HMCN2: variants seen among roughly 807,000 people sequenced by gnomAD.
HMCN2 encodes hemicentin-2.
Under a neutral mutation model 377.5 loss-of-function variants are expected in HMCN2, and 325 were observed. The observed-to-expected ratio is 0.86, with a 90% CI of 0.79 to 0.94. The LOEUF (loss-of-function observed/expected upper bound fraction) is 0.94, where lower values mean the gene tolerates loss of function less well. HMCN2 is among the 40% of genes least tolerant of loss of function. The pLI is 0.00. For missense variants in HMCN2, 4,543 were observed against 4,725.3 expected (o/e 0.96, Z 1.13); for synonymous variants, 2,007 against 2,046.8 (o/e 0.98, Z 0.53).
intron 79 of HMCN2, 79 bp downstream of exon 79, chr9:130,403,407 C>T (rs1373753749): frequency 3.2e-6 from 4 of 1,258,108 alleles, no homozygotes; most frequent in Admixed American, 2.4e-5. Flanking sequence ...TGCTTCCTGC[C>T]CTGGGAGACC....
intron 4 of HMCN2, 55 bp downstream of exon 4, chr9:130,286,365 A>G (rs1835414000): frequency 4.3e-6 from 2 of 464,582 alleles, no homozygotes; most frequent in Admixed American, 4.7e-5. Context: ...CACGGTGAGG[A>G]CACTGACCAT....
intron 1 of HMCN2, among the ~76,000 whole-genome samples, chr9:130,267,476 A>ACACACACACACG (rs1265312371): frequency 4.7e-5 from 7 of 149,818 alleles, no homozygotes; most frequent in South Asian, 2.1e-4. Context: ...ACACACACAC[A>ACACACACACACG]CGCACAGATT....
rs1840467433 is a variant in HMCN2 at position 130,362,980 on chromosome 9, G to A, written c.6222G>A (p.Leu2074=). The A allele has an allele frequency of 2.0e-6, 2 of 985,840 alleles. No homozygotes were observed. Among genetic ancestry groups the A allele is most frequent in the Non-Finnish European group, 2.4e-6 (2 of 830,014 alleles). 61.1% of individuals were successfully genotyped at this position (985,840 alleles called of 1,614,324 possible). Reference sequence around the variant, plus strand: ...GCGAGGACCGCCAGGATGTTGTCCTGCAAGTCCACAGTGAGTCTCAGACTG... The same window carrying A: ...GCGAGGACCGCCAGGATGTTGTCCTACAAGTCCACAGTGAGTCTCAGACTG... ...AVGEDRQDVV[L]QVHMPPSILG... Residue 2074 remains leucine (L), a synonymous_variant, in exon 40 of 98, where the codon CTG becomes CTA. Transcript: ENST00000683500.
In HMCN2 at chr9:130,422,623, C is replaced by A; in HGVS notation, c.13278C>A (p.Gly4426=). 2 of 1,327,112 alleles carry A rather than the reference C, an allele frequency of 1.5e-6. No homozygotes were observed. Among genetic ancestry groups the A allele is most frequent in the African/African-American group, 1.5e-5 (1 of 65,420 alleles). 82.2% of individuals were successfully genotyped at this position (1,327,112 alleles called of 1,614,324 possible). ...SWGSMTGVIN[G]RKFGVATLNT... Reference sequence around the variant, plus strand: ...GCAGCATGACTGGGGTGATAAATGGCCGGAAATTTGGCGTGGCCACACTCA... The same window carrying A: ...GCAGCATGACTGGGGTGATAAATGGACGGAAATTTGGCGTGGCCACACTCA... The change falls in exon 87 of 98, where the codon GGC becomes GGA. Residue 4426 remains glycine (G), a synonymous_variant. Coordinates refer to ENST00000683500, the MANE Select transcript of HMCN2 (RefSeq NM_001291815.2). The surrounding 1 kb of genome is among the most constrained non-coding windows in gnomAD (Gnocchi z 4.2).
rs781884584 is a variant in HMCN2 at position 130,304,932 on chromosome 9, C to T, written c.1746C>T (p.Gly582=). Residue 582 remains glycine (G), a synonymous_variant, in exon 11 of 98, where the codon GGC becomes GGT. Coordinates refer to ENST00000683500, the MANE Select transcript of HMCN2 (RefSeq NM_001291815.2). This position sits in a 1 kb window ranked among gnomAD's most constrained non-coding sequence, Gnocchi z 4.3. ...TCAGTGGCATCATCCCCACAGACGGCGGGAGGTACCAGTGTGTGGCCAGCA... is the reference window on the plus strand; with the variant it reads ...TCAGTGGCATCATCCCCACAGACGGTGGGAGGTACCAGTGTGTGGCCAGCA... The part of the protein sequence containing the change: ...LEISGIIPTD[G]GRYQCVASNA... The T allele has an allele frequency of 2.8e-4, 132 of 471,116 alleles. 1 individual carries two copies. The highest frequency in any genetic ancestry group is 2.8e-4 in the East Asian group (4 of 14,396). 29.2% of individuals were successfully genotyped at this position (471,116 alleles called of 1,614,324 possible).
chr9:130,411,200 G>A (rs992299245), intron 85 of HMCN2, among the ~76,000 whole-genome samples: 1 of 151,090 alleles, frequency 6.6e-6, no homozygotes, highest in South Asian at 2.1e-4. Flanking sequence ...CACTGTCCTG[G>A]ATTCTGCCTC....
At position 130,431,488 on chromosome 9, in the gene HMCN2, T is replaced by C. The variant is rs1198040528; in HGVS notation, c.14767+2T>C. The C allele has an allele frequency of 2.1e-5, 32 of 1,548,466 alleles. No homozygotes were observed. Among genetic ancestry groups the C allele is most frequent in the Non-Finnish European group, 2.6e-5 (30 of 1,146,662 alleles). ...TCCCCAGCGGGAAGAACTGCCAGGG[T>C]GAGCCGGGCTCAGGCCGCCGCCCAA... On this transcript the variant is annotated splice_donor_variant, in intron 96 of 97. Transcript: ENST00000683500. LOFTEE classifies it high-confidence loss of function.
At chr9:130,405,918 G>T (rs919508814) in intron 81 of HMCN2, 37 bp from the exon 82 acceptor site, 9 of 1,257,060 alleles carry the variant, frequency 7.2e-6, no homozygotes, top group Non-Finnish European at 8.3e-6. Context: ...TGCCGAGGTG[G>T]GGCAGTTCTC....
At chr9:130,316,665 C>T (rs1837577767) in intron 15 of HMCN2, among the ~76,000 whole-genome samples, 2 of 152,200 alleles carry the variant, frequency 1.3e-5, no homozygotes, top group East Asian at 1.9e-4. Context: ...TTGTAGCTCC[C>T]GCCCCAGAAA....
At chr9:130,279,257 C>T (rs1834978695) in intron 1 of HMCN2, among the ~76,000 whole-genome samples, 1 of 152,176 alleles carries the variant, frequency 6.6e-6, no homozygotes, top group Non-Finnish European at 1.5e-5. Flanking sequence ...TGCCCCAGAT[C>T]TTCCCCCCTG....
chr9:130,429,699 C>A lies in HMCN2; in HGVS notation c.14326+14C>A, dbSNP rs548418775. ...TGCCCTGCCTAGGTACGGGGACACC[C>A]ACCCTCTGGCCACACCGCTGCAGCT... is the stretch of plus-strand genomic sequence containing the variant. On this transcript the variant is annotated intron_variant, in intron 94 of 97. Coordinates refer to ENST00000683500, the MANE Select transcript of HMCN2 (RefSeq NM_001291815.2). The A allele has an allele frequency of 9.5e-5, 126 of 1,323,472 alleles. No individual in the cohort carries two copies. The African/African-American group carries it at 1.6e-3, about 17-fold the overall frequency. The allele number at this position is 1,323,472 out of a possible 1,614,324, so 82.0% of individuals were successfully genotyped here. A position where few individuals can be genotyped will look rare whatever the true frequency, so the allele number is the denominator to read the frequency against.
At chr9:130,399,376 A>G (rs1363730129) in intron 75 of HMCN2, 135 bp from the exon 76 acceptor site, 2 of 1,067,622 alleles carry the variant, frequency 1.9e-6, no homozygotes, top group African/African-American at 3.3e-5. Flanking sequence ...AGAAACTTCT[A>G]GAAGACATTT....
At chr9:130,389,067 G>T (rs1445178648) in intron 62 of HMCN2, among the ~76,000 whole-genome samples, 1 of 152,184 alleles carries the variant, frequency 6.6e-6, no homozygotes, top group African/African-American at 2.4e-5. Context: ...CTCCACGTGG[G>T]GCAGAAAGGT....
rs1209454551 is a variant in HMCN2 at position 130,414,470 on chromosome 9, C to G, written c.12961+3818C>G. Among the ~76,000 whole-genome samples the G allele has an allele frequency of 1.3e-5, 2 of 152,088 alleles. No homozygotes were observed. Among genetic ancestry groups the G allele is most frequent in the Admixed American group, 1.3e-4 (2 of 15,268 alleles). On this transcript the variant is annotated intron_variant, in intron 85 of 97. Coordinates refer to ENST00000683500, the MANE Select transcript of HMCN2 (RefSeq NM_001291815.2). The surrounding 1 kb of genome is among the most constrained non-coding windows in gnomAD (Gnocchi z 4.4). ...AAAACGGAAGATTTAAATAAAAATCCGAGTCTTACAATACTGAAACTCACT... is the reference window on the plus strand; with the variant it reads ...AAAACGGAAGATTTAAATAAAAATCGGAGTCTTACAATACTGAAACTCACT...
intron 65 of HMCN2, 114 bp downstream of exon 65, chr9:130,391,688 G>A (rs1436332415): frequency 2.2e-6 from 2 of 909,010 alleles, no homozygotes; most frequent in Non-Finnish European, 2.6e-6. Flanking sequence ...ACTTCCCTGG[G>A]CCTCCATGGC....
At chr9:130,413,760 C>T (rs973803814) in intron 85 of HMCN2, among the ~76,000 whole-genome samples, 2 of 152,222 alleles carry the variant, frequency 1.3e-5, no homozygotes, top group South Asian at 4.2e-4. Flanking sequence ...CACGCACACA[C>T]ACACACGGGG....
intron 34 of HMCN2, among the ~76,000 whole-genome samples, chr9:130,357,055 A>T (rs913119280): frequency 8.3e-6 from 1 of 119,800 alleles, no homozygotes; most frequent in Non-Finnish European, 1.8e-5. Flanking sequence ...GACAGATAGA[A>T]GGGAGGATGG....
At chr9:130,281,368 A>G (rs1313995746) in intron 1 of HMCN2, among the ~76,000 whole-genome samples, 1 of 151,942 alleles carries the variant, frequency 6.6e-6, no homozygotes, top group Non-Finnish European at 1.5e-5. Flanking sequence ...GGCCGAGGCA[A>G]GTGTATCACA....
In HMCN2 at chr9:130,401,032, T is replaced by C. The variant is rs73551765; in HGVS notation, c.11770+85T>C. On this transcript the variant is annotated intron_variant, in intron 77 of 97. Coordinates refer to ENST00000683500, the MANE Select transcript of HMCN2 (RefSeq NM_001291815.2). ...GGGGGTGAAAGGTCACATGGCGGAA[T>C]AGGATGGAACTATCTGGCCTGGCAC... 5.9e-4 allele frequency: 690 copies of C among 1,165,876 alleles called. 9 individuals are homozygous for C. The African/African-American group carries it at 0.01, about 17-fold the overall frequency. The allele number at this position is 1,165,876 out of a possible 1,614,324, so 72.2% of individuals were successfully genotyped here. A position where few individuals can be genotyped will look rare whatever the true frequency, so the allele number is the denominator to read the frequency against.
Sources: gnomAD v4.1 joint callset for allele counts (sites outside exome capture counted in the v4.1 genomes callset) on GRCh38, gnomAD v4.1.1 for gene constraint, Gnocchi (gnomAD v3.1) non-coding constraint, MANE v1.5 for transcripts, NCBI Gene and HGNC (gene_info 2026-07-23, HGNC 2026-07-21) for gene names.